L1CAM: variants seen among roughly 807,000 people sequenced by gnomAD.
L1CAM encodes the protein neural cell adhesion molecule L1.
A neutral mutation model predicts 93.0 loss-of-function variants in L1CAM; 8 were observed. The ratio of observed to expected loss-of-function variants is 0.09; its 90% CI spans 0.05 to 0.16. The LOEUF is 0.16. Among genes scored for constraint, L1CAM ranks in the 10% least tolerant of loss-of-function variants. L1CAM has a pLI of 1.00. For synonymous variants in L1CAM, 453 were observed against 453.0 expected, an observed-to-expected ratio of 1.00 and a Z score of 0.00; for missense variants, 777 against 1,073.4, an observed-to-expected ratio of 0.72 and a Z score of 3.86.
chrX:153,868,175 C>T, intron 14 of L1CAM, 53 bp from the exon 15 acceptor site: 2 of 1,205,608 alleles, frequency 1.7e-6, no homozygotes, highest in Non-Finnish European at 2.2e-6. Flanking sequence ...TCTCCCCTCC[C>T]ATCCCTCCCT....
chrX:153,885,730 A>T, intron 1 of L1CAM: 1 of 467,002 alleles, frequency 2.1e-6, no homozygotes, highest in Non-Finnish European at 2.9e-6. Context: ...GCACACACGC[A>T]CGGGGACCCG....
chrX:153,862,948 G>T (rs1415216058), intron 28 of L1CAM, 54 bp from the exon 29 acceptor site: 1 of 1,018,229 alleles, frequency 9.8e-7, no homozygotes, highest in Admixed American at 2.4e-5. Flanking sequence ...CCCTGCAGGA[G>T]CCTGGCTGGG....
At chrX:153,878,654 G>C (rs1176096973) in intron 1 of L1CAM, among the ~76,000 whole-genome samples, 1 of 111,939 alleles carries the variant, frequency 8.9e-6, no homozygotes, top group East Asian at 2.8e-4. Context: ...GTCTTAGGAG[G>C]GGGAGGGGAG....
At position 153,868,907 on chromosome X, in the gene L1CAM, G is replaced by C. The variant is rs1258143484; in HGVS notation, c.1313C>G (p.Ala438Gly). 5.0e-6 allele frequency: 6 copies of C among 1,210,334 alleles called. No homozygotes were observed. Among genetic ancestry groups the C allele is most frequent in the Non-Finnish European group, 6.7e-6 (6 of 895,002 alleles). Residue 438 changes from alanine to glycine, a missense_variant, in exon 12 of 29, where the codon GCT becomes GGT. By Grantham distance (60) the Ala-to-Gly change is moderately conservative. This residue lies in a region of L1CAM where 574 missense variants were observed against 781.0 expected (regional missense o/e 0.73). Coordinates refer to ENST00000370060, the MANE Select transcript of L1CAM (RefSeq NM_001278116.2). Reference protein sequence around the residue: ...ILTADNQTYMAVQGSTAYLLC... With the variant: ...ILTADNQTYMGVQGSTAYLLC... ...AAGGTAGGCAGTGCTGCCCTGGACAGCCATGTACGTCTGATTGTCCGCAGT... is the reference window on the plus strand; with the variant it reads ...AAGGTAGGCAGTGCTGCCCTGGACACCCATGTACGTCTGATTGTCCGCAGT...
At position 153,878,669 on chromosome X, in the gene L1CAM, C is replaced by T. The variant is rs2064828183; in HGVS notation, c.-108-2725G>A. 2.7e-5 allele frequency among the ~76,000 whole-genome samples: 3 copies of T among 111,523 alleles called. No homozygotes were observed. In the South Asian group the frequency reaches 1.1e-3, roughly 42 times the overall value. Reference sequence around the variant, plus strand: ...GTCTTAGGAGGGGGAGGGGAGGAAACCGGAGCAAGGAAAAGCTCAAAGAAG... The same window carrying T: ...GTCTTAGGAGGGGGAGGGGAGGAAATCGGAGCAAGGAAAAGCTCAAAGAAG... On this transcript the variant is annotated intron_variant, in intron 1 of 28. Transcript: ENST00000370060.
chrX:153,863,234 G>A, intron 28 of L1CAM, 134 bp downstream of exon 28: 1 of 676,603 alleles, frequency 1.5e-6, no homozygotes, highest in Non-Finnish European at 2.3e-6. Flanking sequence ...CTGAAATGAG[G>A]AGCTGCCGGG....
At position 153,870,202 on chromosome X, in the gene L1CAM, G is replaced by T. The variant is rs782196212; in HGVS notation, c.845C>A (p.Pro282His). 2 of 1,210,358 alleles carry T rather than the reference G, an allele frequency of 1.7e-6. No individual in the cohort carries two copies. The highest frequency in any genetic ancestry group is 3.5e-5 in the African/African-American group (2 of 57,473). The change falls in exon 9 of 29, where the codon CCC becomes CAC. Residue 282 changes from proline (P) to histidine (H), a missense_variant. Pro to His is a moderately conservative substitution (Grantham distance 77). Transcript: ENST00000370060. Reference sequence around the variant, plus strand: ...GTAGGTGACACGGTCGGCTGGCATGGGGCCACTGGGGCGCAGCCATTTGAT... The same window carrying T: ...GTAGGTGACACGGTCGGCTGGCATGTGGCCACTGGGGCGCAGCCATTTGAT... ...PTIKWLRPSG[P>H]MPADRVTYQN...
chrX:153,880,508 C>T, intron 1 of L1CAM: 1 of 280,560 alleles, frequency 3.6e-6, no homozygotes, highest in Non-Finnish European at 7.2e-6. Flanking sequence ...GCACAGGGCA[C>T]ATGAAAGGGT....
intron 13 of L1CAM, 46 bp downstream of exon 13, chrX:153,868,515 C>T: frequency 8.3e-7 from 1 of 1,211,964 alleles, no homozygotes. Context: ...GGCCCAGACC[C>T]TCCCTCCCAG....
At chrX:153,872,049 C>T in intron 5 of L1CAM, 103 bp downstream of exon 5, 1 of 698,415 alleles carries the variant, frequency 1.4e-6, no homozygotes, top group Non-Finnish European at 2.2e-6. Flanking sequence ...GGCAGGACAC[C>T]CAGGCCCCTC....
In L1CAM at chrX:153,884,065, G is replaced by A. The variant is rs782811117; in HGVS notation, c.-109+2000C>T. ...GCTCACTGTAGGAGCCCTCAGGCCA[G>A]GCCCTTCCTCACTCTTTGCCTCCCT... is the stretch of plus-strand genomic sequence containing the variant. On this transcript the variant is annotated intron_variant, in intron 1 of 28. Transcript: ENST00000370060. 1.2e-5 allele frequency: 6 copies of A among 484,842 alleles called. No individual in the cohort carries two copies. In the South Asian group the frequency reaches 1.5e-4, roughly 12 times the overall value. 40.0% of individuals were successfully genotyped at this position (484,842 alleles called of 1,213,427 possible).
intron 1 of L1CAM, among the ~76,000 whole-genome samples, chrX:153,878,636 G>A (rs2064827947): frequency 8.9e-6 from 1 of 112,004 alleles, no homozygotes; most frequent in African/African-American, 3.3e-5. Flanking sequence ...TGGGAGCTCT[G>A]AGCACTGGTC....
At chrX:153,871,529 G>A (rs925245929) in intron 5 of L1CAM, among the ~76,000 whole-genome samples, 2 of 109,155 alleles carry the variant, frequency 1.8e-5, no homozygotes, top group Non-Finnish European at 3.8e-5. Context: ...AGGGATGCAG[G>A]AGTCACAGAC....
At chrX:153,867,703 T>C (rs1557091465) in intron 16 of L1CAM, 97 bp downstream of exon 16, 3 of 981,191 alleles carry the variant, frequency 3.1e-6, no homozygotes, top group African/African-American at 3.8e-5. Flanking sequence ...CCCCAAACCG[T>C]GTCCCCCCAG....
At chrX:153,880,418 G>A (rs181735719) in intron 1 of L1CAM, 34 of 224,162 alleles carry the variant, frequency 1.5e-4, no homozygotes, top group African/African-American at 6.9e-4. Flanking sequence ...GAGACTATCC[G>A]GCTTCTCCTG....
rs1467152643 is a variant in L1CAM, at chrX:153,872,185, CG to C, written c.366del (p.Ala123ProfsTer21). ...YRCFASNKLG[T>X]AMSHEIRLMA... is the part of the protein sequence containing the mutation. ...ATGAGCCGGATCTCATGGGACATGG[CG>C]GTGCCCAGCTTATTGCTGGCAAAGC... On this transcript the variant is annotated frameshift_variant, in exon 5 of 29. Transcript: ENST00000370060. LOFTEE classifies it high-confidence loss of function. The C allele has an allele frequency of 8.3e-7, 1 of 1,206,577 alleles. No homozygotes were observed. Among genetic ancestry groups the C allele is most frequent in the Non-Finnish European group, 1.1e-6 (1 of 893,641 alleles).
chrX:153,868,289 T>A lies in L1CAM; in HGVS notation c.1703+13A>T. On this transcript the variant is annotated intron_variant, in intron 14 of 28. Coordinates refer to ENST00000370060, the MANE Select transcript of L1CAM (RefSeq NM_001278116.2). ...TTTCCCACTCTGCCCCCTTTCACCG[T>A]CACTGTCCTCACTTGTCACTGTCCC... 1 of 1,211,146 alleles carries A rather than the reference T, an allele frequency of 8.3e-7. No homozygotes were observed. Among genetic ancestry groups the A allele is most frequent in the Admixed American group, 2.2e-5 (1 of 45,996 alleles).
rs1557092627 is a variant in L1CAM, at chrX:153,870,235, G to A, written c.812C>T (p.Thr271Met). The change falls in exon 9 of 29, where the codon ACG becomes ATG. Residue 271 changes from threonine (T) to methionine (M), a missense_variant. Transcript: ENST00000370060. ...VLECIAEGFPTPTIKWLRPSG... is the reference protein window; with the variant it reads ...VLECIAEGFPMPTIKWLRPSG... ...GGGGCGCAGCCATTTGATGGTGGGCGTGGGACTGCCCGGGAGGCAAAGGGA... is the reference window on the plus strand; with the variant it reads ...GGGGCGCAGCCATTTGATGGTGGGCATGGGACTGCCCGGGAGGCAAAGGGA... 2 of 1,210,432 alleles carry A rather than the reference G, an allele frequency of 1.7e-6. No homozygotes were observed. The highest frequency in any genetic ancestry group is 2.2e-5 in the Admixed American group (1 of 46,101).
At chrX:153,867,288 C>T (rs1390682311) in intron 17 of L1CAM, 68 bp downstream of exon 17, 163 of 1,078,027 alleles carry the variant, frequency 1.5e-4, no homozygotes, top group Non-Finnish European at 1.9e-4. Flanking sequence ...TGGCACCTCT[C>T]TAAGCCCTCC....
Sources: gnomAD v4.1 joint callset for allele counts (sites outside exome capture counted in the v4.1 genomes callset) on GRCh38, gnomAD v4.1.1 for gene constraint, gnomAD v4.1.1 regional missense constraint, MANE v1.5 for transcripts, NCBI Gene and HGNC (gene_info 2026-07-23, HGNC 2026-07-21) for gene names.